C3orf85: variants seen among roughly 807,000 people sequenced by gnomAD.
C3orf85 encodes the protein chromosome 3 open reading frame 85.
A neutral mutation model predicts 1.7 loss-of-function variants in C3orf85; 1 was observed. The observed-to-expected ratio is 0.60, with a 90% CI of 0.21 to 2.86. C3orf85 has a LOEUF of 2.86. Among genes scored for constraint, C3orf85 ranks in the 30% most tolerant of loss-of-function variants. The pLI is 0.22. For missense variants in C3orf85, 29 were observed against 21.3 expected (o/e 1.36, Z -0.72); for synonymous variants, 17 against 8.0 (o/e 2.13, Z -1.90).
In C3orf85 at chr3:109,150,164, A is replaced by C. The variant is rs1029835390; in HGVS notation, c.*270A>C. The C allele has an allele frequency of 1.9e-5, 4 of 207,212 alleles. No individual in the cohort carries two copies. Among genetic ancestry groups the C allele is most frequent in the Non-Finnish European group, 3.8e-5 (4 of 106,166 alleles). 12.8% of individuals were successfully genotyped at this position (207,212 alleles called of 1,614,324 possible). A position where few individuals can be genotyped will look rare whatever the true frequency, so the allele number is the denominator to read the frequency against. On this transcript the variant is annotated 3_prime_UTR_variant, in exon 4 of 4. Coordinates refer to ENST00000622536, the MANE Select transcript of C3orf85 (RefSeq NM_001351622.2). The stretch of plus-strand genomic sequence containing the variant: ...AACATTTACCAAAACGATGGCATTT[A>C]TGGGAAAAGGAAAGCAAAAACATAA...
At chr3:109,147,472 A>C (rs1358915830) in intron 2 of C3orf85, among the ~76,000 whole-genome samples, 1 of 152,222 alleles carries the variant, frequency 6.6e-6, no homozygotes, top group Non-Finnish European at 1.5e-5. Flanking sequence ...TTGTTGTCAC[A>C]TATAGGTCAG....
At chr3:109,137,727 A>G (rs1249310586) in intron 2 of C3orf85, among the ~76,000 whole-genome samples, 3 of 147,364 alleles carry the variant, frequency 2.0e-5, no homozygotes, top group Non-Finnish European at 4.5e-5. Flanking sequence ...TTTAATCATA[A>G]ATATTGCAAT....
chr3:109,145,945 C>T (rs1239195010), intron 2 of C3orf85, among the ~76,000 whole-genome samples: 1 of 152,200 alleles, frequency 6.6e-6, no homozygotes, highest in Non-Finnish European at 1.5e-5. Flanking sequence ...TGCTTCCACT[C>T]CCTTCATCCT....
chr3:109,145,382 A>G (rs1418300922), intron 2 of C3orf85, among the ~76,000 whole-genome samples: 2 of 152,238 alleles, frequency 1.3e-5, no homozygotes, highest in Non-Finnish European at 2.9e-5. Flanking sequence ...ACGGAAAAGA[A>G]CAAATACTCT....
At chr3:109,147,782 G>A (rs1232103290) in intron 2 of C3orf85, among the ~76,000 whole-genome samples, 1 of 152,118 alleles carries the variant, frequency 6.6e-6, no homozygotes, top group African/African-American at 2.4e-5. Context: ...ATTTTGGAGG[G>A]CTAAGAAAGG....
At chr3:109,147,670 G>C (rs771880172) in intron 2 of C3orf85, among the ~76,000 whole-genome samples, 1 of 152,062 alleles carries the variant, frequency 6.6e-6, no homozygotes, top group Non-Finnish European at 1.5e-5. Context: ...AATACAAGGT[G>C]GTTCGATTTG....
intron 2 of C3orf85, among the ~76,000 whole-genome samples, chr3:109,145,472 G>T: frequency 6.6e-6 from 1 of 152,122 alleles, no homozygotes; most frequent in Non-Finnish European, 1.5e-5. Context: ...CAGGGGTTGG[G>T]GAGGGGTTAA....
chr3:109,143,263 G>T (rs1230691087), intron 2 of C3orf85, among the ~76,000 whole-genome samples: 2 of 152,072 alleles, frequency 1.3e-5, no homozygotes, highest in African/African-American at 4.8e-5. Context: ...TAGATATATA[G>T]GTTCCTACCA....
rs1030141071 is a variant in C3orf85, at chr3:109,151,075, A to G, written c.*1181A>G. Among the ~76,000 whole-genome samples, 3 of 152,230 alleles carry G rather than the reference A, an allele frequency of 2.0e-5. No individual in the cohort carries two copies. The highest frequency in any genetic ancestry group is 4.4e-5 in the Non-Finnish European group (3 of 68,042). On this transcript the variant is annotated 3_prime_UTR_variant, in exon 4 of 4. Coordinates refer to ENST00000622536, the MANE Select transcript of C3orf85 (RefSeq NM_001351622.2). The stretch of plus-strand genomic sequence containing the variant: ...TCAGTGAGAAATTTAAGGCTAATTT[A>G]TAACTTATTAAGTTAACTGCTATCC...
intron 2 of C3orf85, among the ~76,000 whole-genome samples, chr3:109,140,941 A>G (rs1190144288): frequency 6.6e-6 from 1 of 152,178 alleles, no homozygotes; most frequent in Non-Finnish European, 1.5e-5. Context: ...TCAGTTAGAA[A>G]GCATCCTGTT....
chr3:109,137,226 C>T (rs1209481447), intron 2 of C3orf85, among the ~76,000 whole-genome samples: 1 of 152,024 alleles, frequency 6.6e-6, no homozygotes, highest in African/African-American at 2.4e-5. Context: ...AAGTATAATA[C>T]TTAACATAGT....
At chr3:109,142,682 G>C (rs1706754353) in intron 2 of C3orf85, among the ~76,000 whole-genome samples, 1 of 151,180 alleles carries the variant, frequency 6.6e-6, no homozygotes, top group Non-Finnish European at 1.5e-5. Context: ...GCTCCCACCG[G>C]AGTGCCCTGG....
At position 109,150,634 on chromosome 3, in the gene C3orf85, A is replaced by G. The variant is rs1364410540; in HGVS notation, c.*740A>G. The G allele has an allele frequency of 1.3e-5, 2 of 152,190 alleles. No individual in the cohort carries two copies. The highest frequency in any genetic ancestry group is 2.9e-5 in the Non-Finnish European group (2 of 68,034). 9.4% of individuals were successfully genotyped at this position (152,190 alleles called of 1,614,324 possible). A position where few individuals can be genotyped will look rare whatever the true frequency, so the allele number is the denominator to read the frequency against. On this transcript the variant is annotated 3_prime_UTR_variant, in exon 4 of 4. Coordinates refer to ENST00000622536, the MANE Select transcript of C3orf85 (RefSeq NM_001351622.2). ...TAAAACTGAAAAATTGGCCATAGGG[A>G]AAAGTGGACTGCATTTATCCTATAA...
At chr3:109,149,152 G>A (rs1328714752) in intron 3 of C3orf85, 2 of 148,882 alleles carry the variant, frequency 1.3e-5, no homozygotes, top group African/African-American at 4.8e-5. Context: ...AAACAAAGTT[G>A]TATAATGAAT....
At chr3:109,144,136 A>G (rs1161548794) in intron 2 of C3orf85, among the ~76,000 whole-genome samples, 1 of 152,170 alleles carries the variant, frequency 6.6e-6, no homozygotes, top group Non-Finnish European at 1.5e-5. Context: ...TTAAAAATCA[A>G]CACAGCAATA....
At chr3:109,140,205 T>C (rs1706730228) in intron 2 of C3orf85, among the ~76,000 whole-genome samples, 1 of 152,126 alleles carries the variant, frequency 6.6e-6, no homozygotes, top group Non-Finnish European at 1.5e-5. Context: ...AAAAAAAATG[T>C]TGTTGTAGGA....
chr3:109,142,633 A>G (rs1251120477), intron 2 of C3orf85, among the ~76,000 whole-genome samples: 5 of 151,884 alleles, frequency 3.3e-5, no homozygotes, highest in Admixed American at 6.6e-5. Flanking sequence ...AAGGTTACAT[A>G]TGGGAAATAA....
At chr3:109,143,664 T>C (rs191484858) in intron 2 of C3orf85, among the ~76,000 whole-genome samples, 73 of 152,344 alleles carry the variant, frequency 4.8e-4, no homozygotes, top group Non-Finnish European at 9.6e-4. Flanking sequence ...ATTAATGACC[T>C]ATTTGTTATT....
In C3orf85 at chr3:109,150,909, TTTTGAGTGGC is replaced by T. The variant is rs1342014282; in HGVS notation, c.*1016_*1025del. ...TGGTCTTAAAACAATCTTAAGCACT[TTTTGAGTGGC>T]AAGTAAATCAGAAAAACCAAATGCC... On this transcript the variant is annotated 3_prime_UTR_variant, in exon 4 of 4. Transcript: ENST00000622536. 6.6e-6 allele frequency among the ~76,000 whole-genome samples: 1 copy of T among 152,214 alleles called. No homozygotes were observed. Among genetic ancestry groups the T allele is most frequent in the Non-Finnish European group, 1.5e-5 (1 of 68,028 alleles).
Sources: gnomAD v4.1 joint callset for allele counts (sites outside exome capture counted in the v4.1 genomes callset) on GRCh38, gnomAD v4.1.1 for gene constraint, MANE v1.5 for transcripts, NCBI Gene and HGNC (gene_info 2026-07-23, HGNC 2026-07-21) for gene names.